Variants in SLC25A26 observed in about 807,000 individuals in gnomAD.
SLC25A26 encodes the protein solute carrier family 25 member 26, also known as mitochondrial S-adenosylmethionine carrier protein.
Under a neutral mutation model 37.8 loss-of-function variants are expected in SLC25A26, and 36 were observed. The observed-to-expected ratio is 0.95, with a 90% CI of 0.73 to 1.26. SLC25A26 has a LOEUF of 1.26. SLC25A26 is among the 50% of genes most tolerant of loss of function. SLC25A26 has a pLI of 0.00. For synonymous variants in SLC25A26, 129 were observed against 122.5 expected (o/e 1.05, Z -0.35); for missense variants, 390 against 331.1 (o/e 1.18, Z -1.38).
intron 3 of SLC25A26, 113 bp from the exon 4 acceptor site, chr3:66,261,938 C>G: frequency 1.6e-6 from 1 of 627,024 alleles, no homozygotes; most frequent in Non-Finnish European, 2.8e-6. Flanking sequence ...TTTTTGACAT[C>G]TTGCAGTAAG....
chr3:66,227,588 GAGATTCATGTTATTT>G lies in SLC25A26; in HGVS notation c.33+6463_33+6477del, dbSNP rs1475296705. On this transcript the variant is annotated intron_variant, in intron 1 of 9. Coordinates refer to ENST00000354883, the MANE Select transcript of SLC25A26 (RefSeq NM_001379210.1). ...ACTGAAATTTGACCTGGGTCATTGG[GAGATTCATGTTATTT>G]AAGTAAATCATGGTAACTGAAATTC... Among the ~76,000 whole-genome samples, 17 of 152,312 alleles carry G rather than the reference GAGATTCATGTTATTT, an allele frequency of 1.1e-4. 1 individual carries two copies. The East Asian group carries it at 2.9e-3, about 26-fold the overall frequency.
chr3:66,141,465 A>G (rs925784386), intron 1 of SLC25A26, among the ~76,000 whole-genome samples: 1 of 152,080 alleles, frequency 6.6e-6, no homozygotes, highest in Non-Finnish European at 1.5e-5. Context: ...TGAGGATGAT[A>G]ATGATGTCCT....
chr3:66,229,461 T>A (rs1369985079), intron 1 of SLC25A26, among the ~76,000 whole-genome samples: 2 of 152,206 alleles, frequency 1.3e-5, no homozygotes, highest in Non-Finnish European at 2.9e-5. Flanking sequence ...TCCCCCATGC[T>A]GTTCTCCTGA....
intron 5 of SLC25A26, among the ~76,000 whole-genome samples, chr3:66,328,358 C>T (rs2075889344): frequency 1.3e-5 from 2 of 152,194 alleles, no homozygotes; most frequent in South Asian, 4.1e-4. Context: ...AGGCACTCCT[C>T]ACGTGAATCA....
At chr3:66,283,255 G>A (rs960007329) in intron 5 of SLC25A26, among the ~76,000 whole-genome samples, 2 of 152,084 alleles carry the variant, frequency 1.3e-5, no homozygotes, top group Non-Finnish European at 2.9e-5. Context: ...TGTATATTTA[G>A]CTTTATTAGA....
chr3:66,228,596 G>A (rs2071867932), intron 1 of SLC25A26, among the ~76,000 whole-genome samples: 1 of 152,174 alleles, frequency 6.6e-6, no homozygotes, highest in Non-Finnish European at 1.5e-5. Context: ...TTGAATGCCT[G>A]AAAAATATGG....
chr3:66,369,947 G>GT (rs1458322940), intron 8 of SLC25A26, among the ~76,000 whole-genome samples: 6 of 152,162 alleles, frequency 3.9e-5, no homozygotes, highest in Non-Finnish European at 8.8e-5. Flanking sequence ...AAACCATTTT[G>GT]TTTAAGAGAA....
chr3:66,216,645 A>C (rs2071366145), upstream of SLC25A26, among the ~76,000 whole-genome samples: 1 of 151,890 alleles, frequency 6.6e-6, no homozygotes, highest in South Asian at 2.1e-4. Flanking sequence ...GCTAGGCTTA[A>C]ATTATTTTTT....
intron 1 of SLC25A26, among the ~76,000 whole-genome samples, chr3:66,205,742 T>A (rs2071168171): frequency 6.6e-6 from 1 of 152,172 alleles, no homozygotes; most frequent in African/African-American, 2.4e-5. Flanking sequence ...GAATTATTTG[T>A]TTATTCAGTT....
At chr3:66,375,002 T>C (rs752528617) in intron 9 of SLC25A26, among the ~76,000 whole-genome samples, 18 of 152,106 alleles carry the variant, frequency 1.2e-4, no homozygotes, top group Non-Finnish European at 2.1e-4. Context: ...AAATTGTAAA[T>C]GCAAAGGAAA....
chr3:66,151,703 C>G (rs2070211986), intron 1 of SLC25A26, among the ~76,000 whole-genome samples: 1 of 152,088 alleles, frequency 6.6e-6, no homozygotes, highest in Non-Finnish European at 1.5e-5. Flanking sequence ...CATCCCCATC[C>G]TTCCAACACA....
intron 6 of SLC25A26, among the ~76,000 whole-genome samples, chr3:66,361,792 C>A (rs1167451140): frequency 6.6e-6 from 1 of 152,050 alleles, no homozygotes; most frequent in Non-Finnish European, 1.5e-5. Context: ...GGTGAAACCC[C>A]GTGTCTAGGA....
intron 1 of SLC25A26, among the ~76,000 whole-genome samples, chr3:66,208,754 ATATT>A (rs2071217714): frequency 7.0e-6 from 1 of 143,420 alleles, no homozygotes; most frequent in Non-Finnish European, 1.5e-5. Flanking sequence ...GTGTATATAT[ATATT>A]TATATGGGTG....
intron 1 of SLC25A26, among the ~76,000 whole-genome samples, chr3:66,235,156 T>A (rs938712426): frequency 1.3e-5 from 2 of 152,232 alleles, no homozygotes; most frequent in Non-Finnish European, 2.9e-5. Context: ...TGAATCTAGA[T>A]CTGTATTTTA....
At chr3:66,374,576 CCTTT>C (rs1382144194) in intron 9 of SLC25A26, among the ~76,000 whole-genome samples, 1 of 152,176 alleles carries the variant, frequency 6.6e-6, no homozygotes, top group African/African-American at 2.4e-5. Flanking sequence ...AAGAATCACA[CCTTT>C]CTCATTTTAA....
intron 5 of SLC25A26, among the ~76,000 whole-genome samples, chr3:66,318,363 G>A (rs2075598604): frequency 6.6e-6 from 1 of 152,184 alleles, no homozygotes; most frequent in African/African-American, 2.4e-5. Flanking sequence ...GGAAAAGCAT[G>A]GCTTTCAGGG....
chr3:66,371,100 C>G (rs1700322398), intron 9 of SLC25A26: 5 of 1,393,768 alleles, frequency 3.6e-6, no homozygotes, highest in Admixed American at 6.4e-5. Context: ...GTCCTAAAAG[C>G]TCTCTCTGCA....
In SLC25A26 at chr3:66,374,301, C is replaced by T. The variant is rs540930731; in HGVS notation, c.708-3389C>T. 1.9e-3 allele frequency among the ~76,000 whole-genome samples: 290 copies of T among 152,328 alleles called. 2 individuals carry two copies. The highest frequency in any genetic ancestry group is 6.6e-3 in the African/African-American group (273 of 41,568). On this transcript the variant is annotated intron_variant, in intron 9 of 9. Transcript: ENST00000354883. ...GTCTGTGTCACATTTTGGTAATTCT[C>T]ACCTGTCAAATATTTTCATTATCAT...
At chr3:66,285,015 A>T (rs1354856431) in intron 5 of SLC25A26, among the ~76,000 whole-genome samples, 1 of 152,166 alleles carries the variant, frequency 6.6e-6, no homozygotes, top group Non-Finnish European at 1.5e-5. Context: ...ACAATTAAGG[A>T]TAGTACCAAC....
Sources: gnomAD v4.1 joint callset for allele counts (sites outside exome capture counted in the v4.1 genomes callset) on GRCh38, gnomAD v4.1.1 for gene constraint, MANE v1.5 for transcripts, NCBI Gene and HGNC (gene_info 2026-07-23, HGNC 2026-07-21) for gene names.